Variants in PDE4DIP observed in about 807,000 individuals in gnomAD.
The protein encoded by PDE4DIP is phosphodiesterase 4D interacting protein.
In PDE4DIP, 59 loss-of-function variants were observed where a neutral mutation model predicts 221.4. The observed-to-expected ratio is 0.27, with a 90% CI of 0.22 to 0.33. The LOEUF is 0.33. Ranked by LOEUF, PDE4DIP falls within the 10% of genes least tolerant of loss-of-function variation. The pLI is 1.00. For synonymous variants in PDE4DIP, 404 were observed against 815.9 expected, an observed-to-expected ratio of 0.50 and a Z score of 8.60; for missense variants, 1,036 against 2,154.2, an observed-to-expected ratio of 0.48 and a Z score of 10.28.
At position 148,932,973 on chromosome 1, in the gene PDE4DIP, G is replaced by A. The variant is rs587702305; in HGVS notation, c.518+685G>A. 2.7e-3 allele frequency among the ~76,000 whole-genome samples: 404 copies of A among 152,266 alleles called. 6 individuals are homozygous for A. Among genetic ancestry groups the A allele is most frequent in the African/African-American group, 9.1e-3 (377 of 41,546 alleles). On this transcript the variant is annotated intron_variant, in intron 4 of 43. Coordinates refer to ENST00000369354, the Ensembl canonical transcript of PDE4DIP. Reference sequence around the variant, plus strand: ...TGTGAGGATATAGTGGGAATGCACCGTTATGAGCCAGAGTGTGAACCTTCA... The same window carrying A: ...TGTGAGGATATAGTGGGAATGCACCATTATGAGCCAGAGTGTGAACCTTCA...
intron 1 of PDE4DIP, among the ~76,000 whole-genome samples, chr1:148,918,528 A>T (rs1553459998): frequency 1.6e-5 from 2 of 127,392 alleles, no homozygotes; most frequent in African/African-American, 6.4e-5. Context: ...TATTTTATGA[A>T]AAAGCAAATG....
At chr1:149,003,990 AAGGT>A (rs1236523817) in intron 26 of PDE4DIP, among the ~76,000 whole-genome samples, 1 of 150,892 alleles carries the variant, frequency 6.6e-6, no homozygotes, top group Admixed American at 6.6e-5. Flanking sequence ...GAGACCAGAT[AAGGT>A]TTTAGAAACA....
intron 5 of PDE4DIP, among the ~76,000 whole-genome samples, chr1:148,946,286 C>G (rs1471239018): frequency 7.1e-6 from 1 of 141,752 alleles, no homozygotes; most frequent in Non-Finnish European, 1.5e-5. Context: ...CGGTGGCTCA[C>G]GCATATAATC....
At chr1:148,937,806 C>T (rs1553476169) in exon 5 of PDE4DIP, 1 of 1,107,224 alleles carries the variant, frequency 9.0e-7, no homozygotes, top group East Asian at 2.3e-5. Flanking sequence ...GAACAGCTAT[C>T]TCGGGAGAAA....
At chr1:148,964,642 A>G (rs2057797287) in intron 9 of PDE4DIP, among the ~76,000 whole-genome samples, 1 of 145,346 alleles carries the variant, frequency 6.9e-6, no homozygotes, top group Non-Finnish European at 1.5e-5. Flanking sequence ...CACGCCTGTA[A>G]TCCCAGCACT....
At chr1:148,971,074 A>C (rs587731945) in intron 14 of PDE4DIP, among the ~76,000 whole-genome samples, 208 of 152,242 alleles carry the variant, frequency 1.4e-3, no homozygotes, top group African/African-American at 4.7e-3. Context: ...CCTGTGCATT[A>C]ATAGTTAAAA....
chr1:148,994,599 CACAA>C (rs10543455), intron 22 of PDE4DIP, among the ~76,000 whole-genome samples: 2 of 151,892 alleles, frequency 1.3e-5, no homozygotes, highest in Admixed American at 6.6e-5. Context: ...TATATATACA[CACAA>C]ACAATATGGA....
chr1:149,000,525 G>A (rs2065377713), intron 23 of PDE4DIP, among the ~76,000 whole-genome samples: 1 of 151,218 alleles, frequency 6.6e-6, no homozygotes, highest in African/African-American at 2.4e-5. Flanking sequence ...CTGCACTCCA[G>A]CCTGGGTGAC....
intron 1 of PDE4DIP, among the ~76,000 whole-genome samples, chr1:148,903,218 G>A (rs1174452076): frequency 7.5e-6 from 1 of 133,096 alleles, no homozygotes; most frequent in Non-Finnish European, 1.6e-5. Context: ...TTTGAGAACT[G>A]TCTATTCATA....
intron 5 of PDE4DIP, chr1:148,953,063 A>C: frequency 6.2e-7 from 1 of 1,614,152 alleles, no homozygotes; most frequent in South Asian, 1.1e-5. Context: ...CTGCATTGCC[A>C]GTATGTATCG....
intron 5 of PDE4DIP, among the ~76,000 whole-genome samples, chr1:148,941,464 G>GA (rs11308406): frequency 1.1e-4 from 15 of 131,100 alleles, no homozygotes; most frequent in South Asian, 2.5e-4. Flanking sequence ...GTAGGCACCA[G>GA]AAAAAAAAAA....
intron 5 of PDE4DIP, among the ~76,000 whole-genome samples, chr1:148,960,170 A>G (rs2056554323): frequency 6.6e-6 from 1 of 152,308 alleles, no homozygotes; most frequent in Admixed American, 6.5e-5. Flanking sequence ...ACTGTTACCT[A>G]ATATATAGTC....
chr1:148,912,073 G>A (rs1314175278), intron 1 of PDE4DIP, among the ~76,000 whole-genome samples: 7 of 146,098 alleles, frequency 4.8e-5, no homozygotes, highest in Non-Finnish European at 7.5e-5. Context: ...CCACACGGTA[G>A]TTTGTGGACC....
At chr1:148,937,416 G>A (rs150154489) in intron 4 of PDE4DIP, among the ~76,000 whole-genome samples, 38 of 152,178 alleles carry the variant, frequency 2.5e-4, no homozygotes, top group African/African-American at 7.7e-4. Flanking sequence ...TCCAAGAACC[G>A]TTTATTGAAT....
chr1:149,023,549 TTATATATATGTGCATG>T (rs1486764704), intron 37 of PDE4DIP, among the ~76,000 whole-genome samples: 2 of 146,998 alleles, frequency 1.4e-5, no homozygotes, highest in African/African-American at 2.5e-5. Flanking sequence ...ATATATATAT[TTATATATATGTGCATG>T]TATATATATG....
At chr1:148,930,698 T>C (rs1385383316) in intron 2 of PDE4DIP, 1 of 149,782 alleles carries the variant, frequency 6.7e-6, no homozygotes. Context: ...AAAGAAATCA[T>C]AGATGACACA....
At chr1:148,937,714 A>G (rs782058945) in intron 4 of PDE4DIP, 33 bp from the exon 8 acceptor site, 1 of 1,193,438 alleles carries the variant, frequency 8.4e-7, no homozygotes, top group South Asian at 1.2e-5. Flanking sequence ...TATCATGATC[A>G]TAATTACTGT....
intron 21 of PDE4DIP, chr1:148,985,361 ATATTTCAGT>A (rs1204307784): frequency 2.6e-5 from 4 of 151,968 alleles, no homozygotes; most frequent in Non-Finnish European, 5.9e-5. Context: ...TATATAGTGT[ATATTTCAGT>A]TATTTCAGTT....
At chr1:148,941,370 C>T (rs587662932) in intron 5 of PDE4DIP, among the ~76,000 whole-genome samples, 1 of 82,306 alleles carries the variant, frequency 1.2e-5, no homozygotes, top group Non-Finnish European at 2.3e-5. Context: ...TGGGAGTAAT[C>T]GATGTTACCA....
Sources: allele counts gnomAD v4.1 joint callset (sites outside exome capture counted in the v4.1 genomes callset), GRCh38; gene constraint gnomAD v4.1.1; transcripts MANE v1.5; gene names NCBI Gene and HGNC (gene_info 2026-07-23, HGNC 2026-07-21).